Variants in SOX6 observed in about 807,000 individuals in gnomAD.
SOX6 encodes the protein transcription factor SOX-6.
In SOX6, 11 loss-of-function variants were observed where a neutral mutation model predicts 97.8. That is an observed-to-expected ratio of 0.11 (90% CI 0.07 to 0.19). The LOEUF is 0.19. Ranked by LOEUF, SOX6 falls within the 10% of genes least tolerant of loss-of-function variation. SOX6 has a pLI of 1.00. For synonymous variants in SOX6, 360 were observed against 371.4 expected (o/e 0.97, Z 0.35); for missense variants, 810 against 1,039.5 (o/e 0.78, Z 3.04).
chr11:16,526,741 TA>T (rs1861172580), intron 4 of SOX6, among the ~76,000 whole-genome samples: 1 of 152,136 alleles, frequency 6.6e-6, no homozygotes, highest in Non-Finnish European at 1.5e-5. Flanking sequence ...CAGCCTTTCG[TA>T]TATCAATTTT....
intron 7 of SOX6, among the ~76,000 whole-genome samples, chr11:16,099,650 GA>G (rs1166210483): frequency 6.7e-6 from 1 of 149,740 alleles, no homozygotes; most frequent in African/African-American, 2.5e-5. Flanking sequence ...AACTCTAAAA[GA>G]ATTCCCTGGG....
chr11:15,982,790 C>A (rs981523502), intron 15 of SOX6, among the ~76,000 whole-genome samples: 3 of 151,814 alleles, frequency 2.0e-5, no homozygotes, highest in Non-Finnish European at 4.4e-5. Context: ...ATTTTTGATC[C>A]ACAATTGGTT....
intron 1 of SOX6, among the ~76,000 whole-genome samples, chr11:16,452,291 G>A (rs905085422): frequency 2.0e-5 from 3 of 152,108 alleles, no homozygotes; most frequent in African/African-American, 7.2e-5. Context: ...GGGCTTAGGG[G>A]AGGCAGCCTT....
intron 4 of SOX6, among the ~76,000 whole-genome samples, chr11:16,224,688 T>C (rs886833611): frequency 3.3e-5 from 5 of 152,064 alleles, no homozygotes; most frequent in African/African-American, 1.2e-4. Context: ...ATAATGTATA[T>C]ACATATTTAT....
intron 9 of SOX6, among the ~76,000 whole-genome samples, chr11:16,086,490 G>A (rs1395071535): frequency 6.6e-6 from 1 of 152,140 alleles, no homozygotes; most frequent in Admixed American, 6.6e-5. Flanking sequence ...ATGTCAAGAG[G>A]AATACCCAGC....
intron 3 of SOX6, chr11:16,264,485 A>G (rs1341951371): frequency 1.3e-5 from 2 of 151,986 alleles, no homozygotes; most frequent in Non-Finnish European, 2.9e-5. Context: ...ACTCTCCTAT[A>G]TGCATATGTA....
intron 1 of SOX6, among the ~76,000 whole-genome samples, chr11:16,428,956 G>A (rs1859214519): frequency 6.6e-6 from 1 of 152,168 alleles, no homozygotes; most frequent in Non-Finnish European, 1.5e-5. Context: ...TCCTACACAT[G>A]AGCATGGAAT....
intron 12 of SOX6, among the ~76,000 whole-genome samples, chr11:16,037,799 G>A (rs1421956128): frequency 6.6e-6 from 1 of 152,104 alleles, no homozygotes; most frequent in East Asian, 1.9e-4. Flanking sequence ...TTAAAATGTA[G>A]TTTAGATTAA....
At chr11:16,736,461 G>A (rs1388350239) in exon 2 of SOX6, 1 of 152,090 alleles carries the variant, frequency 6.6e-6, no homozygotes, top group Non-Finnish European at 1.5e-5. Context: ...TACCATCCAG[G>A]TGCCAACAAT....
intron 3 of SOX6, among the ~76,000 whole-genome samples, chr11:16,688,411 G>C (rs748000486): frequency 6.6e-5 from 10 of 152,058 alleles, no homozygotes; most frequent in Non-Finnish European, 1.5e-4. Context: ...ACACATGCTA[G>C]GCTAATTGAA....
At chr11:16,000,090 T>C (rs186659568) in intron 13 of SOX6, among the ~76,000 whole-genome samples, 40 of 152,322 alleles carry the variant, frequency 2.6e-4, no homozygotes, top group East Asian at 5.8e-4. Context: ...TGTCTGTCTA[T>C]GATTATGGAA....
At chr11:16,024,206 G>A (rs1249346550) in intron 12 of SOX6, among the ~76,000 whole-genome samples, 1 of 152,070 alleles carries the variant, frequency 6.6e-6, no homozygotes, top group Non-Finnish European at 1.5e-5. Context: ...CAAAGAGAGA[G>A]GCTTCAGAAG....
chr11:16,405,163 T>C (rs530587750), intron 1 of SOX6, among the ~76,000 whole-genome samples: 9 of 152,134 alleles, frequency 5.9e-5, no homozygotes, highest in African/African-American at 2.2e-4. Context: ...GCTTCTGTTA[T>C]ACTCTGCCTT....
At chr11:16,678,713 C>G (rs1053407320) in intron 3 of SOX6, among the ~76,000 whole-genome samples, 2 of 152,202 alleles carry the variant, frequency 1.3e-5, no homozygotes, top group Non-Finnish European at 2.9e-5. Context: ...GAAGCCGTGA[C>G]AAACTGTACC....
At chr11:16,698,435 G>A (rs760170500) in intron 3 of SOX6, among the ~76,000 whole-genome samples, 9 of 152,152 alleles carry the variant, frequency 5.9e-5, no homozygotes, top group Non-Finnish European at 1.3e-4. Flanking sequence ...TTTGTGGTTG[G>A]TCTGATCTTC....
At chr11:16,265,874 T>C (rs573175243) in intron 3 of SOX6, among the ~76,000 whole-genome samples, 9 of 149,990 alleles carry the variant, frequency 6.0e-5, no homozygotes, top group African/African-American at 1.7e-4. Context: ...CTTGTTGACA[T>C]AGCAGTAGAA....
At chr11:16,598,028 A>G (rs944278848) in intron 4 of SOX6, among the ~76,000 whole-genome samples, 2 of 152,088 alleles carry the variant, frequency 1.3e-5, no homozygotes, top group African/African-American at 4.8e-5. Context: ...GCAATTATGT[A>G]GTAAAGCTGG....
chr11:16,085,031 TTCTGTC>T (rs1283984689), intron 9 of SOX6, among the ~76,000 whole-genome samples: 1 of 152,206 alleles, frequency 6.6e-6, no homozygotes, highest in Non-Finnish European at 1.5e-5. Context: ...TCAACAAAGC[TTCTGTC>T]TCTTGGTCTC....
intron 4 of SOX6, among the ~76,000 whole-genome samples, chr11:16,604,493 C>T (rs1433885267): frequency 6.6e-6 from 1 of 152,216 alleles, no homozygotes; most frequent in East Asian, 1.9e-4. Flanking sequence ...GGCCGTGCAG[C>T]CAGGGCCAAA....
Sources: gnomAD v4.1 joint callset for allele counts (sites outside exome capture counted in the v4.1 genomes callset) on GRCh38, gnomAD v4.1.1 for gene constraint, MANE v1.5 for transcripts, NCBI Gene and HGNC (gene_info 2026-07-23, HGNC 2026-07-21) for gene names.